HMGA2: variants seen among roughly 807,000 people sequenced by gnomAD.
HMGA2 encodes the protein high mobility group protein HMGI-C.
In HMGA2, 8 loss-of-function variants were observed where a neutral mutation model predicts 19.1. The observed-to-expected ratio is 0.42, with a 90% CI of 0.25 to 0.76. HMGA2 has a LOEUF of 0.76. HMGA2 is among the 30% of genes least tolerant of loss of function. HMGA2 has a pLI of 0.28. For synonymous variants in HMGA2, 60 were observed against 48.8 expected (o/e 1.23, Z -0.96); for missense variants, 109 against 136.3 (o/e 0.80, Z 1.00).
intron 3 of HMGA2, among the ~76,000 whole-genome samples, chr12:65,919,142 A>G (rs1358549896): frequency 1.3e-5 from 2 of 152,222 alleles, no homozygotes; most frequent in African/African-American, 2.4e-5. Context: ...CCCTTTGGGA[A>G]CATTGCGCAG....
chr12:65,939,379 C>T (rs1222958812), intron 3 of HMGA2, among the ~76,000 whole-genome samples: 1 of 151,348 alleles, frequency 6.6e-6, no homozygotes, highest in Non-Finnish European at 1.5e-5. Flanking sequence ...TTTTTGAGAC[C>T]GAGTCTCGCT....
chr12:65,863,409 A>G (rs1221160549), intron 3 of HMGA2, among the ~76,000 whole-genome samples: 4 of 151,338 alleles, frequency 2.6e-5, no homozygotes, highest in Non-Finnish European at 5.9e-5. Context: ...CTTGGCCTCA[A>G]ACTAAAACTG....
In HMGA2 at chr12:65,914,448, T is replaced by A. The variant is rs551115196; in HGVS notation, c.250-36935T>A. ...CATAGGTGGGAATTGAACAATGAGA[T>A]CACATGGACACAGGAAGGGGAATAT... On this transcript the variant is annotated intron_variant, in intron 3 of 4. Transcript: ENST00000403681. Among the ~76,000 whole-genome samples the A allele has an allele frequency of 7.5e-3, 975 of 129,370 alleles. 12 individuals carry two copies. The highest frequency in any genetic ancestry group is 0.027 in the African/African-American group (923 of 33,784). The allele number at this position is 129,370 out of a possible 152,430, so 84.9% of individuals were successfully genotyped here. A position where few individuals can be genotyped will look rare whatever the true frequency, so the allele number is the denominator to read the frequency against.
At chr12:65,843,462 T>G (rs1299863951) in intron 3 of HMGA2, 1 of 195,902 alleles carries the variant, frequency 5.1e-6, no homozygotes, top group Non-Finnish European at 1.1e-5. Flanking sequence ...ATCTAGAAAT[T>G]TAAGTGATGA....
intron 3 of HMGA2, chr12:65,858,236 G>A (rs1247541968): frequency 6.6e-6 from 1 of 152,438 alleles, no homozygotes; most frequent in African/African-American, 2.4e-5. Flanking sequence ...GAAAATGAAT[G>A]TGTATACATA....
intron 3 of HMGA2, among the ~76,000 whole-genome samples, chr12:65,905,454 A>G (rs1224648982): frequency 6.6e-6 from 1 of 152,230 alleles, no homozygotes; most frequent in Non-Finnish European, 1.5e-5. Flanking sequence ...AAAATTACCA[A>G]TATTCAAATA....
intron 3 of HMGA2, among the ~76,000 whole-genome samples, chr12:65,904,869 C>A (rs1376030137): frequency 6.6e-6 from 1 of 151,872 alleles, no homozygotes; most frequent in African/African-American, 2.4e-5. Context: ...TGGTGAAACC[C>A]CATCTCTACT....
At chr12:65,833,715 C>A (rs1357666475) in intron 2 of HMGA2, among the ~76,000 whole-genome samples, 1 of 152,066 alleles carries the variant, frequency 6.6e-6, no homozygotes, top group Non-Finnish European at 1.5e-5. Flanking sequence ...AATAGCTCTC[C>A]AAAGAACAGA....
chr12:65,824,470 G>C (rs1870004006), upstream of HMGA2: 2 of 217,282 alleles, frequency 9.2e-6, 1 homozygote, highest in African/African-American at 4.7e-5. Context: ...CTTGAATCTT[G>C]GGGCAGGAAC....
At chr12:65,898,848 T>C (rs1874246415) in intron 3 of HMGA2, among the ~76,000 whole-genome samples, 1 of 151,956 alleles carries the variant, frequency 6.6e-6, no homozygotes, top group Non-Finnish European at 1.5e-5. Flanking sequence ...ATCGAGACCA[T>C]CCTGGATAAC....
chr12:65,938,493 T>A (rs1043500502), intron 3 of HMGA2, among the ~76,000 whole-genome samples: 3 of 152,156 alleles, frequency 2.0e-5, no homozygotes, highest in Admixed American at 2.0e-4. Context: ...TACAGGGAGA[T>A]CAAATTATAT....
intron 3 of HMGA2, among the ~76,000 whole-genome samples, chr12:65,887,129 C>G (rs965353858): frequency 6.6e-6 from 1 of 152,162 alleles, no homozygotes. Flanking sequence ...CTGACTCCCC[C>G]CCTCATAAAA....
intron 3 of HMGA2, among the ~76,000 whole-genome samples, chr12:65,942,287 A>T (rs888754606): frequency 6.6e-6 from 1 of 152,130 alleles, no homozygotes; most frequent in Non-Finnish European, 1.5e-5. Context: ...ATATTTATTC[A>T]TTTTCCTGTG....
chr12:65,930,129 T>G (rs993848262), intron 3 of HMGA2, among the ~76,000 whole-genome samples: 1 of 152,222 alleles, frequency 6.6e-6, no homozygotes, highest in African/African-American at 2.4e-5. Flanking sequence ...AGCAACTCCT[T>G]TGTTTCTTAA....
At chr12:65,870,222 G>A (rs2121032766) in intron 3 of HMGA2, among the ~76,000 whole-genome samples, 1 of 152,288 alleles carries the variant, frequency 6.6e-6, no homozygotes, top group East Asian at 1.9e-4. Flanking sequence ...TATGTGTCAG[G>A]TGTTAGGCTG....
At chr12:65,917,672 G>C (rs773840809) in intron 3 of HMGA2, among the ~76,000 whole-genome samples, 1 of 152,174 alleles carries the variant, frequency 6.6e-6, no homozygotes, top group African/African-American at 2.4e-5. Flanking sequence ...GAGACAGAAG[G>C]GGGAAGGAAA....
At chr12:65,934,742 C>T (rs1431564869) in intron 3 of HMGA2, 1 of 152,200 alleles carries the variant, frequency 6.6e-6, no homozygotes, top group African/African-American at 2.4e-5. Flanking sequence ...AATCACTCAA[C>T]CTAGAGGCTG....
chr12:65,851,549 C>T, intron 3 of HMGA2: 1 of 345,918 alleles, frequency 2.9e-6, no homozygotes, highest in South Asian at 2.1e-5. Flanking sequence ...AATTAGACAG[C>T]TGTGGTGGCG....
intron 3 of HMGA2, chr12:65,860,192 A>G (rs1871981610): frequency 3.5e-6 from 1 of 284,946 alleles, no homozygotes. Flanking sequence ...TATGCTCAGA[A>G]CAGTTACACT....
Sources: gnomAD v4.1 joint callset for allele counts (sites outside exome capture counted in the v4.1 genomes callset) on GRCh38, gnomAD v4.1.1 for gene constraint, MANE v1.5 for transcripts, NCBI Gene and HGNC (gene_info 2026-07-23, HGNC 2026-07-21) for gene names.